Variants in CFAP61 observed in about 807,000 individuals in gnomAD.
The protein encoded by CFAP61 is cilia and flagella associated protein 61.
In CFAP61, 107 loss-of-function variants were observed where a neutral mutation model predicts 135.6. The observed-to-expected ratio is 0.79, with a 90% CI of 0.67 to 0.93. The LOEUF (loss-of-function observed/expected upper bound fraction) is 0.93, where lower values mean the gene tolerates loss of function less well. CFAP61 is among the 40% of genes least tolerant of loss of function. The pLI, the probability that CFAP61 is intolerant of heterozygous loss-of-function variation, is 0.00. For missense variants in CFAP61, 1,507 were observed against 1,556.2 expected (o/e 0.97, Z 0.53); for synonymous variants, 575 against 578.5 (o/e 0.99, Z 0.09).
intron 9 of CFAP61, among the ~76,000 whole-genome samples, chr20:20,149,929 G>T (rs980016194): frequency 6.6e-6 from 1 of 152,194 alleles, no homozygotes; most frequent in African/African-American, 2.4e-5. Context: ...ATGAGGAGGG[G>T]CATGGCCTGA....
At chr20:20,091,208 C>T (rs2047175101) in intron 7 of CFAP61, among the ~76,000 whole-genome samples, 1 of 152,148 alleles carries the variant, frequency 6.6e-6, no homozygotes, top group Non-Finnish European at 1.5e-5. Flanking sequence ...TAGATTCTTG[C>T]CTTGTCCCTA....
At chr20:20,344,989 A>G (rs541683175) in intron 26 of CFAP61, among the ~76,000 whole-genome samples, 7 of 152,336 alleles carry the variant, frequency 4.6e-5, no homozygotes, top group African/African-American at 1.7e-4. Context: ...TAAGTAAAAT[A>G]TCCCAGACAC....
chr20:20,320,130 A>G (rs1311737135), intron 25 of CFAP61, among the ~76,000 whole-genome samples: 1 of 151,390 alleles, frequency 6.6e-6, no homozygotes, highest in Non-Finnish European at 1.5e-5. Flanking sequence ...AAAACTTGCA[A>G]TGGAGGGGGG....
chr20:20,087,407 A>G (rs1478747498), intron 6 of CFAP61, among the ~76,000 whole-genome samples: 1 of 152,160 alleles, frequency 6.6e-6, no homozygotes, highest in Non-Finnish European at 1.5e-5. Context: ...TTGTTCCTGC[A>G]TTAATTCACT....
intron 22 of CFAP61, 66 bp downstream of exon 22, chr20:20,277,524 G>C: frequency 6.7e-7 from 1 of 1,487,742 alleles, no homozygotes; most frequent in Non-Finnish European, 9.1e-7. Flanking sequence ...GGGATTTGGG[G>C]GTCTGGAAGA....
intron 14 of CFAP61, among the ~76,000 whole-genome samples, chr20:20,189,222 G>A (rs745813594): frequency 6.6e-6 from 1 of 151,762 alleles, no homozygotes; most frequent in Non-Finnish European, 1.5e-5. Flanking sequence ...AGGCATCAGA[G>A]TAAATTGAAA....
intron 25 of CFAP61, among the ~76,000 whole-genome samples, chr20:20,313,347 C>T (rs1039038974): frequency 2.6e-5 from 4 of 152,222 alleles, no homozygotes; most frequent in African/African-American, 9.6e-5. Flanking sequence ...TTGTTTAAGC[C>T]ACCCAATCTA....
At chr20:20,269,136 T>C (rs1308203372) in intron 21 of CFAP61, among the ~76,000 whole-genome samples, 1,180 of 81,180 alleles carry the variant, frequency 0.015, 34 homozygotes, top group African/African-American at 0.045. Flanking sequence ...TATATATATA[T>C]ATATATATAT....
At chr20:20,263,890 C>A (rs2052476311) in intron 21 of CFAP61, among the ~76,000 whole-genome samples, 1 of 152,106 alleles carries the variant, frequency 6.6e-6, no homozygotes, top group South Asian at 2.1e-4. Context: ...GTTTAGAGTT[C>A]AGTCCAGGGA....
intron 17 of CFAP61, among the ~76,000 whole-genome samples, chr20:20,202,149 A>G (rs563931827): frequency 6.6e-6 from 1 of 152,282 alleles, no homozygotes; most frequent in South Asian, 2.1e-4. Context: ...TTCCATGTTT[A>G]TCTCAGTATG....
intron 15 of CFAP61, among the ~76,000 whole-genome samples, chr20:20,194,864 T>C (rs1273169331): frequency 6.6e-6 from 1 of 152,198 alleles, no homozygotes; most frequent in African/African-American, 2.4e-5. Context: ...TCCATTATGC[T>C]CTCATTACAC....
intron 17 of CFAP61, among the ~76,000 whole-genome samples, chr20:20,201,353 C>G (rs78324972): frequency 0.021 from 3,170 of 152,296 alleles, 45 homozygotes; most frequent in South Asian, 0.047. Context: ...ATTTGCAACT[C>G]CTTAGCTAAT....
At chr20:20,059,329 A>G (rs1245217974) in intron 2 of CFAP61, among the ~76,000 whole-genome samples, 1 of 139,626 alleles carries the variant, frequency 7.2e-6, no homozygotes, top group South Asian at 2.1e-4. Context: ...TCTGTCTCAA[A>G]AAAAAAAAAA....
At chr20:20,344,518 G>A (rs886345210) in intron 26 of CFAP61, among the ~76,000 whole-genome samples, 5 of 152,104 alleles carry the variant, frequency 3.3e-5, no homozygotes, top group Admixed American at 1.3e-4. Flanking sequence ...ATCACTAATC[G>A]TCAGAGAAAT....
chr20:20,101,604 T>C (rs1346874754), intron 8 of CFAP61, among the ~76,000 whole-genome samples: 1 of 150,660 alleles, frequency 6.6e-6, no homozygotes, highest in Non-Finnish European at 1.5e-5. Flanking sequence ...GTTTTTTCAC[T>C]TTATTTTTAT....
At chr20:20,300,095 A>G (rs924762090) in intron 25 of CFAP61, among the ~76,000 whole-genome samples, 3 of 152,180 alleles carry the variant, frequency 2.0e-5, no homozygotes, top group African/African-American at 7.2e-5. Context: ...CTAGCACAAC[A>G]CATGACTCAC....
At chr20:20,349,437 C>T (rs1212305393) in intron 26 of CFAP61, among the ~76,000 whole-genome samples, 1 of 152,116 alleles carries the variant, frequency 6.6e-6, no homozygotes, top group Non-Finnish European at 1.5e-5. Flanking sequence ...CTGGCATGAA[C>T]TCAGAGTGAG....
intron 21 of CFAP61, among the ~76,000 whole-genome samples, chr20:20,271,642 A>G (rs757518357): frequency 3.3e-5 from 5 of 152,244 alleles, no homozygotes; most frequent in Non-Finnish European, 5.9e-5. Flanking sequence ...CAGATCTGCA[A>G]TCAGAGTAAT....
intron 21 of CFAP61, among the ~76,000 whole-genome samples, chr20:20,276,416 G>A (rs2053769921): frequency 6.6e-6 from 1 of 152,168 alleles, no homozygotes; most frequent in African/African-American, 2.4e-5. Flanking sequence ...TAATTTAATA[G>A]TGTCATTGAC....
Sources: gnomAD v4.1 joint callset for allele counts (sites outside exome capture counted in the v4.1 genomes callset) on GRCh38, gnomAD v4.1.1 for gene constraint, MANE v1.5 for transcripts, NCBI Gene and HGNC (gene_info 2026-07-23, HGNC 2026-07-21) for gene names.